Variants in RNF150 observed in about 807,000 individuals in gnomAD.
The protein encoded by RNF150 is ring finger protein 150.
In RNF150, 24 loss-of-function variants were observed where a neutral mutation model predicts 39.3. The ratio of observed to expected loss-of-function variants is 0.61; its 90% confidence interval spans 0.44 to 0.86. RNF150 has a LOEUF of 0.86. Ranked by LOEUF, RNF150 falls within the 40% of genes least tolerant of loss-of-function variation. The probability of loss-of-function intolerance (pLI) is 0.00; values close to 1 mark genes in which losing one functional copy is unlikely to be tolerated. For missense variants in RNF150, 502 were observed against 587.8 expected (o/e 0.85, Z 1.51); for synonymous variants, 255 against 227.3 (o/e 1.12, Z -1.10).
intron 1 of RNF150, among the ~76,000 whole-genome samples, chr4:141,058,538 G>A (rs183731171): frequency 1.1e-3 from 169 of 152,242 alleles, no homozygotes; most frequent in Non-Finnish European, 2.1e-3. Flanking sequence ...CCACCTTCAT[G>A]TAGTGGTAGG....
chr4:141,137,290 A>T (rs1376571988), upstream of RNF150, among the ~76,000 whole-genome samples: 1 of 152,216 alleles, frequency 6.6e-6, no homozygotes. Context: ...TAAAAGATTT[A>T]GTCTGACTGT....
chr4:141,106,087 T>C (rs1235200870), intron 1 of RNF150, among the ~76,000 whole-genome samples: 1 of 152,196 alleles, frequency 6.6e-6, no homozygotes, highest in Non-Finnish European at 1.5e-5. Context: ...CTCAAAGTGT[T>C]CACATCTTCT....
At chr4:141,085,437 A>C (rs1386874284) in intron 1 of RNF150, among the ~76,000 whole-genome samples, 1 of 152,202 alleles carries the variant, frequency 6.6e-6, no homozygotes, top group East Asian at 1.9e-4. Flanking sequence ...GTGGACAGAC[A>C]ATACAGAGAG....
intron 1 of RNF150, among the ~76,000 whole-genome samples, chr4:141,007,538 T>C (rs927123168): frequency 1.3e-5 from 2 of 152,208 alleles, no homozygotes; most frequent in African/African-American, 4.8e-5. Flanking sequence ...CCCAGTAATC[T>C]CGGGCACTTG....
Position 140,977,324 on chromosome 4 carries a change from T to C in RNF150, c.485-9451A>G, listed in dbSNP as rs138155474. ...CCTGTCACAGTCACTACTGCTCAGG[T>C]AGGGGCAGGGCACATAAGAATTTTA... On this transcript the variant is annotated intron_variant, in intron 1 of 6. Transcript: ENST00000515673. Among the ~76,000 whole-genome samples, 25 of 152,230 alleles carry C rather than the reference T, an allele frequency of 1.6e-4. No individual in the cohort carries two copies. In the East Asian group the frequency reaches 4.6e-3, roughly 28 times the overall value.
In RNF150 at chr4:141,035,283, G is replaced by A. The variant is rs150276174; in HGVS notation, c.485-67410C>T. ...AGTTACATTTGTTCATATGTTATGA[G>A]TCCTGCTGGTGTGAGCCAGAATGAA... On this transcript the variant is annotated intron_variant, in intron 1 of 6. Coordinates refer to ENST00000515673, the MANE Select transcript of RNF150 (RefSeq NM_020724.2). 3.1e-3 allele frequency among the ~76,000 whole-genome samples: 473 copies of A among 152,298 alleles called. 2 individuals are homozygous for A. The highest frequency in any genetic ancestry group is 0.011 in the African/African-American group (452 of 41,568).
At chr4:141,203,934 G>A (rs978244028) in intron 1 of RNF150, among the ~76,000 whole-genome samples, 1 of 152,048 alleles carries the variant, frequency 6.6e-6, no homozygotes, top group Admixed American at 6.6e-5. Flanking sequence ...ATTTTGGAAA[G>A]ATGAGTAGGA....
At chr4:141,100,860 G>A (rs1009068109) in intron 1 of RNF150, among the ~76,000 whole-genome samples, 2 of 152,066 alleles carry the variant, frequency 1.3e-5, no homozygotes, top group African/African-American at 2.4e-5. Flanking sequence ...GAATACTGTG[G>A]GCAACTGTAA....
chr4:141,152,398 T>G (rs926808523), intron 1 of RNF150, among the ~76,000 whole-genome samples: 12 of 152,220 alleles, frequency 7.9e-5, no homozygotes, highest in African/African-American at 2.9e-4. Context: ...TATTCCATCC[T>G]TTTGATAAAA....
At chr4:141,016,916 T>C (rs1052139063) in intron 1 of RNF150, among the ~76,000 whole-genome samples, 7 of 152,196 alleles carry the variant, frequency 4.6e-5, no homozygotes, top group African/African-American at 1.7e-4. Flanking sequence ...AACAGTTATC[T>C]TGAAATGTAT....
intron 6 of RNF150, among the ~76,000 whole-genome samples, chr4:140,898,807 G>C (rs900251014): frequency 2.0e-5 from 3 of 152,094 alleles, no homozygotes; most frequent in African/African-American, 7.2e-5. Context: ...GTACTATTAT[G>C]GGATTATTTT....
intron 1 of RNF150, among the ~76,000 whole-genome samples, chr4:141,021,959 T>C (rs1020551436): frequency 6.6e-6 from 1 of 152,214 alleles, no homozygotes; most frequent in Non-Finnish European, 1.5e-5. Context: ...TGCTTGCCCC[T>C]GCAACCAATG....
chr4:140,972,441 A>G (rs1181439923), intron 1 of RNF150, among the ~76,000 whole-genome samples: 1 of 152,238 alleles, frequency 6.6e-6, no homozygotes, highest in African/African-American at 2.4e-5. Context: ...ATTAGAAAAT[A>G]TATTAGTACA....
chr4:141,209,659 T>C (rs1728431427), intron 1 of RNF150, among the ~76,000 whole-genome samples: 1 of 152,166 alleles, frequency 6.6e-6, no homozygotes, highest in Non-Finnish European at 1.5e-5. Context: ...CTTTTTAAAT[T>C]TATTAAGAGT....
At chr4:140,952,139 T>C (rs1295720316) in intron 2 of RNF150, among the ~76,000 whole-genome samples, 3 of 151,976 alleles carry the variant, frequency 2.0e-5, no homozygotes, top group Non-Finnish European at 4.4e-5. Context: ...GCCTCCCAAG[T>C]AGCTGGGATT....
At chr4:141,003,566 T>TAC (rs70946725) in intron 1 of RNF150, among the ~76,000 whole-genome samples, 14,205 of 142,346 alleles carry the variant, frequency 0.1, 815 homozygotes, top group South Asian at 0.23. Context: ...CCCTAGCACG[T>TAC]ACACACACAC....
intron 5 of RNF150, among the ~76,000 whole-genome samples, chr4:140,912,904 T>C (rs1432705254): frequency 1.4e-5 from 2 of 147,702 alleles, no homozygotes; most frequent in Non-Finnish European, 3.0e-5. Flanking sequence ...AGTTTCCCTA[T>C]CCACTTACAA....
intron 1 of RNF150, among the ~76,000 whole-genome samples, chr4:141,042,691 T>C (rs1185792077): frequency 6.6e-6 from 1 of 152,146 alleles, no homozygotes; most frequent in East Asian, 1.9e-4. Context: ...CAATTTCTAT[T>C]GAAGGGGTAG....
At chr4:140,873,416 C>A (rs944814812) in intron 6 of RNF150, among the ~76,000 whole-genome samples, 7 of 152,054 alleles carry the variant, frequency 4.6e-5, no homozygotes, top group Non-Finnish European at 7.4e-5. Flanking sequence ...GGTAATCCCC[C>A]CAAAGAGCCT....
Sources: allele counts gnomAD v4.1 joint callset (sites outside exome capture counted in the v4.1 genomes callset), GRCh38; gene constraint gnomAD v4.1.1; transcripts MANE v1.5; gene names NCBI Gene and HGNC (gene_info 2026-07-23, HGNC 2026-07-21).